The following ADCY10 variants were observed in gnomAD, a reference collection of about 807,000 sequenced individuals.
ADCY10 encodes adenylate cyclase 10, also known as adenylate cyclase type 10.
In ADCY10, 156 loss-of-function variants were observed where a neutral mutation model predicts 183.3. The ratio of observed to expected loss-of-function variants is 0.85; its 90% CI spans 0.75 to 0.97. The LOEUF (loss-of-function observed/expected upper bound fraction) is 0.97. Among genes scored for constraint, ADCY10 ranks in the 50% least tolerant of loss-of-function variants. The probability of loss-of-function intolerance (pLI) is 0.00; values close to 1 mark genes in which losing one functional copy is unlikely to be tolerated. For synonymous variants in ADCY10, 645 were observed against 670.0 expected (o/e 0.96, Z 0.58); for missense variants, 1,745 against 1,934.3 (o/e 0.90, Z 1.84).
chr1:167,848,100 C>T (rs1197278101), intron 19 of ADCY10, among the ~76,000 whole-genome samples: 2 of 151,854 alleles, frequency 1.3e-5, no homozygotes, highest in Non-Finnish European at 2.9e-5. Flanking sequence ...TGGAGTCTCA[C>T]TCTGTCACCC....
intron 8 of ADCY10, among the ~76,000 whole-genome samples, chr1:167,886,089 G>GA (rs1366787775): frequency 1.5e-4 from 23 of 152,074 alleles, no homozygotes; most frequent in Admixed American, 1.5e-3. Flanking sequence ...TCATGGATAG[G>GA]AAAAATCAAT....
At chr1:167,913,126 A>G (rs917730385) in intron 1 of ADCY10, among the ~76,000 whole-genome samples, 1 of 152,208 alleles carries the variant, frequency 6.6e-6, no homozygotes, top group Admixed American at 6.5e-5. Flanking sequence ...TACAGCATGA[A>G]CAGCATGGGT....
chr1:167,818,763 TC>T (rs1379036509), intron 30 of ADCY10, among the ~76,000 whole-genome samples: 3 of 152,228 alleles, frequency 2.0e-5, no homozygotes, highest in Admixed American at 2.0e-4. Context: ...GGTCTCGAAC[TC>T]CTGACCTCAG....
chr1:167,810,685 T>TGAGCATC, intron 32 of ADCY10, 40 bp downstream of exon 32: 2 of 1,606,418 alleles, frequency 1.2e-6, no homozygotes, highest in Non-Finnish European at 1.7e-6. Context: ...TTTATATGGG[T>TGAGCATC]GAGCATCGCC....
At chr1:167,827,164 A>C (rs982133548) in intron 26 of ADCY10, among the ~76,000 whole-genome samples, 5 of 151,194 alleles carry the variant, frequency 3.3e-5, no homozygotes, top group African/African-American at 1.2e-4. Context: ...CCCAGACTTA[A>C]TGTACTTTTT....
At chr1:167,828,368 G>A (rs775446927) in intron 26 of ADCY10, among the ~76,000 whole-genome samples, 6 of 152,034 alleles carry the variant, frequency 3.9e-5, no homozygotes, top group Non-Finnish European at 8.8e-5. Flanking sequence ...TTCCATATTT[G>A]TTATCAGTTA....
chr1:167,866,319 C>T (rs1666681652), intron 14 of ADCY10, among the ~76,000 whole-genome samples: 1 of 151,970 alleles, frequency 6.6e-6, no homozygotes, highest in African/African-American at 2.4e-5. Context: ...TGGAGTCCCA[C>T]GAGGAATACC....
At chr1:167,871,646 T>C (rs1667113894) in intron 13 of ADCY10, among the ~76,000 whole-genome samples, 1 of 152,256 alleles carries the variant, frequency 6.6e-6, no homozygotes, top group South Asian at 2.1e-4. Flanking sequence ...CATTTTGTTA[T>C]TCACTGATAG....
intron 23 of ADCY10, 150 bp from the exon 24 acceptor site, chr1:167,834,227 T>G: frequency 1.4e-6 from 1 of 696,626 alleles, no homozygotes; most frequent in Non-Finnish European, 2.6e-6. Flanking sequence ...CTGATTAAAA[T>G]GGGCTTCCAA....
At chr1:167,899,713 T>C (rs1276381049) in intron 5 of ADCY10, 85 bp from the exon 6 acceptor site, 4 of 1,285,442 alleles carry the variant, frequency 3.1e-6, no homozygotes, top group East Asian at 4.8e-5. Context: ...ACCATAATCT[T>C]GGTGGGACTA....
chr1:167,889,532 T>G (rs1216503979), intron 8 of ADCY10, among the ~76,000 whole-genome samples: 4 of 152,056 alleles, frequency 2.6e-5, no homozygotes, highest in Non-Finnish European at 5.9e-5. Context: ...GGCCTGTAGC[T>G]TTCTTTTTTT....
chr1:167,890,262 A>G (rs1411409704), intron 8 of ADCY10, among the ~76,000 whole-genome samples: 1 of 152,232 alleles, frequency 6.6e-6, no homozygotes, highest in African/African-American at 2.4e-5. Context: ...TATCTATATT[A>G]CAGAGCACCG....
chr1:167,874,199 C>T (rs561017134), intron 13 of ADCY10, among the ~76,000 whole-genome samples: 9 of 152,146 alleles, frequency 5.9e-5, no homozygotes, highest in African/African-American at 2.2e-4. Flanking sequence ...GGCATGGTGG[C>T]GGACACCTGT....
In ADCY10 at chr1:167,853,870, A is replaced by T. The variant is rs193171381; in HGVS notation, c.2308+483T>A. 2.2e-3 allele frequency among the ~76,000 whole-genome samples: 192 copies of T among 88,614 alleles called. 2 individuals are homozygous for T. Among genetic ancestry groups the T allele is most frequent in the African/African-American group, 8.8e-3 (178 of 20,314 alleles). 58.1% of individuals were successfully genotyped at this position (88,614 alleles called of 152,430 possible). ...TTTTTTTTTTTTGAGACAGAGTCTCACTCTGTTGCCCAGGCTGGAGTGCAG... is the reference window on the plus strand; with the variant it reads ...TTTTTTTTTTTTGAGACAGAGTCTCTCTCTGTTGCCCAGGCTGGAGTGCAG... On this transcript the variant is annotated intron_variant, in intron 18 of 32. Coordinates refer to ENST00000367851, the MANE Select transcript of ADCY10 (RefSeq NM_018417.6).
At chr1:167,873,042 C>T (rs2102176786) in intron 13 of ADCY10, among the ~76,000 whole-genome samples, 1 of 152,014 alleles carries the variant, frequency 6.6e-6, no homozygotes. Flanking sequence ...TGCACTCCAG[C>T]CTGGGCGACA....
At chr1:167,866,530 C>CAAAA (rs57450280) in intron 14 of ADCY10, among the ~76,000 whole-genome samples, 17 of 110,746 alleles carry the variant, frequency 1.5e-4, no homozygotes, top group Non-Finnish European at 3.2e-4. Flanking sequence ...CTCTATGTGC[C>CAAAA]AAAAAAAAAA....
intron 28 of ADCY10, among the ~76,000 whole-genome samples, chr1:167,823,966 C>G (rs986696103): frequency 2.6e-5 from 4 of 152,218 alleles, no homozygotes; most frequent in African/African-American, 7.2e-5. Flanking sequence ...TGACTACCCT[C>G]TGATCACTGG....
chr1:167,892,118 A>G (rs1481211839), intron 8 of ADCY10, among the ~76,000 whole-genome samples: 2 of 151,892 alleles, frequency 1.3e-5, no homozygotes, highest in Non-Finnish European at 2.9e-5. Flanking sequence ...GGCTACAGGC[A>G]CGTGCCACCA....
At chr1:167,874,311 A>G (rs182198407) in intron 13 of ADCY10, among the ~76,000 whole-genome samples, 2 of 152,326 alleles carry the variant, frequency 1.3e-5, no homozygotes, top group Admixed American at 1.3e-4. Flanking sequence ...AGCCTGGGCA[A>G]CAGAGTGAGA....
Sources: gnomAD v4.1 joint callset for allele counts (sites outside exome capture counted in the v4.1 genomes callset) on GRCh38, gnomAD v4.1.1 for gene constraint, MANE v1.5 for transcripts, NCBI Gene and HGNC (gene_info 2026-07-23, HGNC 2026-07-21) for gene names.